ZFAND3: variants seen among roughly 807,000 people sequenced by gnomAD.
The protein encoded by ZFAND3 is zinc finger AN1-type containing 3.
A neutral mutation model predicts 29.6 loss-of-function variants in ZFAND3; 10 were observed. The observed-to-expected ratio is 0.34, with a 90% CI of 0.21 to 0.57. The LOEUF is 0.57. Among genes scored for constraint, ZFAND3 ranks in the 20% least tolerant of loss-of-function variants. ZFAND3 has a pLI of 0.86. For synonymous variants in ZFAND3, 128 were observed against 112.6 expected (o/e 1.14, Z -0.87); for missense variants, 230 against 304.5 (o/e 0.76, Z 1.82).
intron 2 of ZFAND3, among the ~76,000 whole-genome samples, chr6:38,056,659 G>A (rs1764139559): frequency 6.6e-6 from 1 of 152,182 alleles, no homozygotes; most frequent in African/African-American, 2.4e-5. Flanking sequence ...TAAGAAGATT[G>A]ACGTGTGAAA....
intron 2 of ZFAND3, among the ~76,000 whole-genome samples, chr6:37,993,807 C>G (rs16890301): frequency 6.6e-6 from 1 of 151,774 alleles, no homozygotes; most frequent in Non-Finnish European, 1.5e-5. Flanking sequence ...AAAATTGTCA[C>G]GTGATAATGA....
At chr6:38,040,973 C>T (rs1022935678) in intron 2 of ZFAND3, among the ~76,000 whole-genome samples, 1 of 152,220 alleles carries the variant, frequency 6.6e-6, no homozygotes. Context: ...GCCCCTCCCC[C>T]TGCCATCAAG....
At chr6:37,902,779 A>G (rs1765344573) in intron 1 of ZFAND3, among the ~76,000 whole-genome samples, 1 of 116,744 alleles carries the variant, frequency 8.6e-6, no homozygotes. Flanking sequence ...ATGTCTCACT[A>G]TATTGTCCAG....
At chr6:37,916,958 T>C (rs1245675486) in intron 1 of ZFAND3, among the ~76,000 whole-genome samples, 2 of 152,194 alleles carry the variant, frequency 1.3e-5, no homozygotes, top group African/African-American at 4.8e-5. Flanking sequence ...TAGACTGTCA[T>C]GGTATCTGTC....
At position 38,116,671 on chromosome 6, in the gene ZFAND3, G is replaced by A. The variant is rs762673922; in HGVS notation, c.461G>A (p.Arg154Gln). ...EETSRSKQKS[R>Q]RRCFQCQTKL... ...ACCAGTCGATCTAAACAGAAGAGTC[G>A]ACGTCGGTGCTTCCAGTGCCAAACC... is the stretch of plus-strand genomic sequence containing the variant. Residue 154 changes from arginine to glutamine, a missense_variant, in exon 5 of 6, where the codon CGA becomes CAA. Arg to Gln is a conservative substitution (Grantham distance 43, BLOSUM62 1). This residue lies in a region of ZFAND3 where 180 missense variants were observed against 202.5 expected (regional missense o/e 0.89). Transcript: ENST00000287218. The A allele has an allele frequency of 6.2e-6, 10 of 1,614,152 alleles. No homozygotes were observed. The highest frequency in any genetic ancestry group is 2.2e-5 in the East Asian group (1 of 44,882).
intron 1 of ZFAND3, among the ~76,000 whole-genome samples, chr6:37,888,845 C>G (rs1765045321): frequency 6.6e-6 from 1 of 152,206 alleles, no homozygotes; most frequent in Admixed American, 6.5e-5. Flanking sequence ...CCTTTTTAAA[C>G]AAAATTCAAT....
Position 38,153,955 on chromosome 6 carries a change from C to T in ZFAND3, c.*1566C>T, listed in dbSNP as rs1369172753. On this transcript the variant is annotated 3_prime_UTR_variant, in exon 6 of 6. Coordinates refer to ENST00000287218, the MANE Select transcript of ZFAND3 (RefSeq NM_021943.3). ...CTCTGTCTGCAAATTAACAGCTGAA[C>T]ACCTGCAACTGCAAATGTTTTTTGA... The T allele has an allele frequency of 1.0e-6, 1 of 985,392 alleles. No individual in the cohort carries two copies. The highest frequency in any genetic ancestry group is 1.2e-6 in the Non-Finnish European group (1 of 829,958). 61.0% of individuals were successfully genotyped at this position (985,392 alleles called of 1,614,324 possible).
intron 3 of ZFAND3, among the ~76,000 whole-genome samples, chr6:38,078,199 A>G (rs1159417823): frequency 2.6e-5 from 4 of 152,198 alleles, no homozygotes; most frequent in Non-Finnish European, 5.9e-5. Flanking sequence ...CATGGCTTTT[A>G]TGTGGAATTG....
Position 37,829,232 on chromosome 6 carries a change from T to TAAA in ZFAND3, c.71+9227_71+9229dup, listed in dbSNP as rs57037823. On this transcript the variant is annotated intron_variant, in intron 1 of 5. Coordinates refer to ENST00000287218, the MANE Select transcript of ZFAND3 (RefSeq NM_021943.3). ...GTAACATAATGAGGCTTTGTTGCTTTAAAAAAAAAAAAAGTGGAGGATGCC... is the reference window on the plus strand; with the variant it reads ...GTAACATAATGAGGCTTTGTTGCTTTAAAAAAAAAAAAAAAAGTGGAGGATGCC... Among the ~76,000 whole-genome samples, 464 of 144,760 alleles carry TAAA rather than the reference T, an allele frequency of 3.2e-3. 1 individual carries two copies. The highest frequency in any genetic ancestry group is 9.6e-3 in the African/African-American group (379 of 39,284). 95.0% of individuals were successfully genotyped at this position (144,760 alleles called of 152,430 possible).
At chr6:38,086,259 T>TA (rs763094718) in intron 4 of ZFAND3, among the ~76,000 whole-genome samples, 11 of 151,300 alleles carry the variant, frequency 7.3e-5, no homozygotes, top group East Asian at 3.9e-4. Context: ...ATCTTTAGAT[T>TA]AAAAAAAAAT....
chr6:37,918,087 G>A (rs953936316), intron 1 of ZFAND3, among the ~76,000 whole-genome samples: 2 of 151,674 alleles, frequency 1.3e-5, no homozygotes, highest in African/African-American at 2.4e-5. Flanking sequence ...TTTTGTTTTT[G>A]TTTTTTTGAT....
intron 4 of ZFAND3, among the ~76,000 whole-genome samples, chr6:38,095,554 T>C (rs1001999257): frequency 1.6e-4 from 24 of 152,198 alleles, no homozygotes; most frequent in Admixed American, 3.3e-4. Context: ...CTGAACTAGA[T>C]TCTGTAAGCC....
rs867516822 is a variant in ZFAND3, at chr6:38,041,696, T to C, written c.113-19897T>C. Among the ~76,000 whole-genome samples the C allele has an allele frequency of 6.1e-3, 134 of 21,850 alleles. 7 individuals are homozygous for C. Among genetic ancestry groups the C allele is most frequent in the African/African-American group, 0.019 (89 of 4,686 alleles). The allele number at this position is 21,850 out of a possible 152,430, so 14.3% of individuals were successfully genotyped here. A position where few individuals can be genotyped will look rare whatever the true frequency, so the allele number is the denominator to read the frequency against. On this transcript the variant is annotated intron_variant, in intron 2 of 5. Coordinates refer to ENST00000287218, the MANE Select transcript of ZFAND3 (RefSeq NM_021943.3). ...TTCTTCTTCTTCTTCTCCTTCTCCT[T>C]CTCCTCCTCCTCCTCCTCCTCCTCC...
At chr6:37,997,776 G>A (rs749654449) in intron 2 of ZFAND3, among the ~76,000 whole-genome samples, 4 of 152,172 alleles carry the variant, frequency 2.6e-5, no homozygotes, top group Non-Finnish European at 4.4e-5. Context: ...ATGTTTATTC[G>A]ATTTAGTAGA....
At chr6:37,859,931 G>C (rs560558509) in intron 1 of ZFAND3, among the ~76,000 whole-genome samples, 32 of 149,254 alleles carry the variant, frequency 2.1e-4, no homozygotes, top group African/African-American at 7.9e-4. Flanking sequence ...GAGTGCAGTG[G>C]CGTGATCTCG....
intron 1 of ZFAND3, among the ~76,000 whole-genome samples, chr6:37,925,263 A>G (rs747688229): frequency 7.2e-5 from 11 of 152,226 alleles, no homozygotes; most frequent in Non-Finnish European, 1.6e-4. Flanking sequence ...AAAGCTATTT[A>G]CAGTGGCCTA....
In ZFAND3 at chr6:38,103,365, T is replaced by C. The variant is rs55873275; in HGVS notation, c.362-13207T>C. The stretch of plus-strand genomic sequence containing the variant: ...GTGTGTATGTATATATATATATATA[T>C]ATACACACAATATATATATACACAC... On this transcript the variant is annotated intron_variant, in intron 4 of 5. Transcript: ENST00000287218. 7.7e-4 allele frequency among the ~76,000 whole-genome samples: 112 copies of C among 145,848 alleles called. 1 individual carries two copies. Among genetic ancestry groups the C allele is most frequent in the East Asian group, 5.7e-3 (25 of 4,402 alleles).
chr6:37,962,774 T>A (rs1170720488), intron 2 of ZFAND3, among the ~76,000 whole-genome samples: 1 of 152,134 alleles, frequency 6.6e-6, no homozygotes, highest in Non-Finnish European at 1.5e-5. Context: ...CCCTCTCGGG[T>A]CCCCTTCCAC....
At chr6:37,860,360 T>C (rs578126061) in intron 1 of ZFAND3, among the ~76,000 whole-genome samples, 1 of 152,202 alleles carries the variant, frequency 6.6e-6, no homozygotes, top group African/African-American at 2.4e-5. Flanking sequence ...TAAAAAGAAA[T>C]TCCAGAATTT....
Sources: allele counts gnomAD v4.1 joint callset (sites outside exome capture counted in the v4.1 genomes callset), GRCh38; gene constraint gnomAD v4.1.1; regional missense constraint gnomAD v4.1.1; transcripts MANE v1.5; gene names NCBI Gene and HGNC (gene_info 2026-07-23, HGNC 2026-07-21).